Variants in ZNF112 observed in about 807,000 individuals in gnomAD.
ZNF112 encodes the protein zinc finger protein 112.
A neutral mutation model predicts 77.7 loss-of-function variants in ZNF112; 37 were observed. The ratio of observed to expected loss-of-function variants is 0.48; its 90% confidence interval spans 0.37 to 0.63. The LOEUF (loss-of-function observed/expected upper bound fraction) is 0.63, where lower values mean the gene tolerates loss of function less well. Among genes scored for constraint, ZNF112 ranks in the 20% least tolerant of loss-of-function variants. The pLI is 0.00. For synonymous variants in ZNF112, 333 were observed against 363.6 expected (o/e 0.92, Z 0.96); for missense variants, 950 against 1,077.4 (o/e 0.88, Z 1.66).
At chr19:44,336,877 CT>C (rs113034578) in intron 2 of ZNF112, among the ~76,000 whole-genome samples, 159 bp from the exon 3 acceptor site, 10,633 of 143,096 alleles carry the variant, frequency 0.074, 468 homozygotes, top group African/African-American at 0.13. Flanking sequence ...TCATGATTTT[CT>C]TTTTTTTTTT....
rs551047964 is a variant in ZNF112, at chr19:44,330,925, TA to T, written c.221-990del. On this transcript the variant is annotated intron_variant, in intron 3 of 3. Transcript: ENST00000354340. ...TAAACATGATAATGTTGTTCATTTG[TA>T]AGTGTACTGTGTGCGTTAAATGATA... Among the ~76,000 whole-genome samples the T allele has an allele frequency of 2.5e-3, 386 of 152,352 alleles. 3 individuals are homozygous for T. Among genetic ancestry groups the T allele is most frequent in the Middle Eastern group, 0.01 (3 of 294 alleles).
intron 2 of ZNF112, among the ~76,000 whole-genome samples, chr19:44,337,271 TATTA>T (rs1970386481): frequency 7.3e-6 from 1 of 137,836 alleles, no homozygotes; most frequent in Non-Finnish European, 1.5e-5. Flanking sequence ...TTTTTATATA[TATTA>T]TATATATTTC....
intron 1 of ZNF112, among the ~76,000 whole-genome samples, chr19:44,347,598 A>G (rs1428518379): frequency 6.9e-6 from 1 of 145,752 alleles, no homozygotes; most frequent in African/African-American, 2.5e-5. Context: ...ATACATATCT[A>G]ATCTTTCACA....
intron 1 of ZNF112, among the ~76,000 whole-genome samples, chr19:44,364,874 G>C (rs112236472): frequency 6.6e-6 from 1 of 152,094 alleles, no homozygotes; most frequent in Non-Finnish European, 1.5e-5. Flanking sequence ...GACACCAAGG[G>C]ACTACTGTAT....
At chr19:44,341,443 T>A (rs1310365573) in intron 1 of ZNF112, among the ~76,000 whole-genome samples, 1 of 152,200 alleles carries the variant, frequency 6.6e-6, no homozygotes, top group African/African-American at 2.4e-5. Flanking sequence ...ATAATGACCT[T>A]TAAAGTTCTG....
At chr19:44,341,362 T>G (rs1476368320) in intron 1 of ZNF112, among the ~76,000 whole-genome samples, 1 of 152,210 alleles carries the variant, frequency 6.6e-6, no homozygotes, top group Non-Finnish European at 1.5e-5. Context: ...TGCATTGACG[T>G]TAACCTCTGG....
intron 1 of ZNF112, among the ~76,000 whole-genome samples, chr19:44,362,907 T>G (rs1325034742): frequency 1.3e-5 from 2 of 152,154 alleles, no homozygotes; most frequent in Non-Finnish European, 2.9e-5. Context: ...CATATATATA[T>G]ATCTTGTGTT....
chr19:44,329,542 G>A lies in ZNF112; in HGVS notation c.615C>T (p.Asp205=), dbSNP rs1160878340. The change falls in exon 4 of 4, where the codon GAC becomes GAT. Residue 205 remains aspartate (D), a synonymous_variant. Coordinates refer to ENST00000354340, the MANE Select transcript of ZNF112 (RefSeq NM_013380.4). ...TGTGATGTGAGAGCCAACTGACACT[G>A]TCACACTTACAGAAATGATTTTTCA... ...ISMKNHFCKC[D]SVSWLSHHND... is the part of the protein sequence containing the mutation. 7.4e-6 allele frequency: 12 copies of A among 1,614,070 alleles called. No homozygotes were observed. The highest frequency in any genetic ancestry group is 1.0e-5 in the Non-Finnish European group (12 of 1,180,004).
At position 44,340,474 on chromosome 19, in the gene ZNF112, G is replaced by C. The variant is rs1013789541; in HGVS notation, c.66C>G (p.Val22=). The C allele has an allele frequency of 4.3e-6, 7 of 1,613,874 alleles. No individual in the cohort carries two copies. In the African/African-American group the frequency reaches 5.3e-5, roughly 12 times the overall value. The change falls in exon 2 of 4, where the codon GTC becomes GTG. Residue 22 remains valine, a synonymous_variant. Coordinates refer to ENST00000354340, the MANE Select transcript of ZNF112 (RefSeq NM_013380.4). The stretch of plus-strand genomic sequence containing the variant: ...TCACATCTCGGTACAGCTTCCTCTG[G>C]ACAGAGTCCAGCAGCCCCAGCTCCT... ...TEEELGLLDS[V]QRKLYRDVML...
chr19:44,340,680 T>C, intron 1 of ZNF112, 138 bp from the exon 2 acceptor site: 1 of 1,230,626 alleles, frequency 8.1e-7, no homozygotes, highest in Non-Finnish European at 1.1e-6. Flanking sequence ...CCTTCTGTAA[T>C]GCTAATACCA....
chr19:44,358,111 C>A (rs922528628), upstream of ZNF112, among the ~76,000 whole-genome samples: 3 of 147,494 alleles, frequency 2.0e-5, no homozygotes, highest in Non-Finnish European at 4.5e-5. Flanking sequence ...GAGATCGCAC[C>A]ACTGCACTCC....
chr19:44,357,695 T>C (rs1049484764), upstream of ZNF112, among the ~76,000 whole-genome samples: 1 of 152,198 alleles, frequency 6.6e-6, no homozygotes, highest in African/African-American at 2.4e-5. Flanking sequence ...AGGGCTGTAC[T>C]GATACAGACA....
intron 2 of ZNF112, among the ~76,000 whole-genome samples, chr19:44,339,243 T>C (rs1014557983): frequency 6.6e-6 from 1 of 152,208 alleles, no homozygotes; most frequent in Non-Finnish European, 1.5e-5. Context: ...GATTTTGCCT[T>C]TGGCTTCTGG....
chr19:44,327,905 C>A lies in ZNF112; in HGVS notation c.2252G>T (p.Gly751Val), dbSNP rs750658855. 1.5e-5 allele frequency: 24 copies of A among 1,613,862 alleles called. No homozygotes were observed. The highest frequency in any genetic ancestry group is 2.0e-5 in the Non-Finnish European group (24 of 1,179,992). The change falls in exon 4 of 4, where the codon GGC (glycine) becomes GTC (valine). Residue 751 changes from glycine (G) to valine (V), a missense_variant. Transcript: ENST00000354340. ...TTCAAGGCGCGAACTCTGACTAAAG[C>A]CCTTCCCACACATCTCACATTTATA... ...KPYKCEMCGKGFSQSSRLEAH... is the reference protein window; with the variant it reads ...KPYKCEMCGKVFSQSSRLEAH...
chr19:44,364,651 A>G (rs1473763688), intron 1 of ZNF112, among the ~76,000 whole-genome samples: 2 of 152,244 alleles, frequency 1.3e-5, no homozygotes, highest in Non-Finnish European at 2.9e-5. Context: ...AATACAAATT[A>G]GCAACACAAC....
intron 1 of ZNF112, among the ~76,000 whole-genome samples, chr19:44,353,739 A>G (rs1164705833): frequency 2.6e-5 from 4 of 152,146 alleles, no homozygotes; most frequent in African/African-American, 9.6e-5. Flanking sequence ...GAAAATACTA[A>G]GTGCTGATGA....
intron 1 of ZNF112, among the ~76,000 whole-genome samples, chr19:44,363,092 C>A (rs1970869301): frequency 6.6e-6 from 1 of 152,160 alleles, no homozygotes; most frequent in South Asian, 2.1e-4. Flanking sequence ...ACCTCAGCCT[C>A]CAAAGTAGCT....
rs1341608432 is a variant in ZNF112 at position 44,340,555 on chromosome 19, A to T, written c.-3-13T>A. ...ATGTCACCATCTCCTACAATGCCAA[A>T]CACATGCACACTAAGTTTACAGAAG... On this transcript the variant is annotated splice_polypyrimidine_tract_variant and intron_variant, in intron 1 of 3. Coordinates refer to ENST00000354340, the MANE Select transcript of ZNF112 (RefSeq NM_013380.4). 2.5e-6 allele frequency: 4 copies of T among 1,613,818 alleles called. No individual in the cohort carries two copies. The highest frequency in any genetic ancestry group is 3.4e-6 in the Non-Finnish European group (4 of 1,179,822).
At chr19:44,340,142 G>C (rs1599923817) in intron 2 of ZNF112, among the ~76,000 whole-genome samples, 1 of 152,194 alleles carries the variant, frequency 6.6e-6, no homozygotes, top group Admixed American at 6.5e-5. Context: ...TTCATCAACA[G>C]TTACTGGTGC....
Sources: allele counts gnomAD v4.1 joint callset (sites outside exome capture counted in the v4.1 genomes callset), GRCh38; gene constraint gnomAD v4.1.1; transcripts MANE v1.5; gene names NCBI Gene and HGNC (gene_info 2026-07-23, HGNC 2026-07-21).